The following PLEKHG2 variants were observed in gnomAD, a reference collection of about 807,000 sequenced individuals.
The protein encoded by PLEKHG2 is pleckstrin homology and RhoGEF domain containing G2.
A neutral mutation model predicts 104.4 loss-of-function variants in PLEKHG2; 71 were observed. The observed-to-expected ratio is 0.68, with a 90% CI of 0.56 to 0.83. The LOEUF is 0.83. Among genes scored for constraint, PLEKHG2 ranks in the 40% least tolerant of loss-of-function variants. PLEKHG2 has a pLI of 0.00. For missense variants in PLEKHG2, 1,730 were observed against 1,809.4 expected (o/e 0.96, Z 0.80); for synonymous variants, 728 against 737.0 (o/e 0.99, Z 0.20).
chr19:39,424,368 T>C lies in PLEKHG2; in HGVS notation c.3235T>C (p.Ser1079Pro), dbSNP rs776398387. ...CTGCAGTCAACCCATCCAGCCTTTGTCTTGGCATGGAAGCAGCCTGGATCC... is the reference window on the plus strand; with the variant it reads ...CTGCAGTCAACCCATCCAGCCTTTGCCTTGGCATGGAAGCAGCCTGGATCC... Reference protein sequence around the residue: ...PVCSQPIQPLSWHGSSLDPQG... With the variant: ...PVCSQPIQPLPWHGSSLDPQG... Residue 1079 changes from serine (S) to proline (P), a missense_variant, in exon 19 of 19, where the codon TCT becomes CCT. Ser to Pro is a moderately conservative substitution (Grantham distance 74). Coordinates refer to ENST00000425673, the MANE Select transcript of PLEKHG2 (RefSeq NM_022835.3). The C allele has an allele frequency of 4.3e-6, 7 of 1,614,102 alleles. No individual in the cohort carries two copies. The highest frequency in any genetic ancestry group is 2.2e-5 in the South Asian group (2 of 91,078).
rs143752678 is a variant in PLEKHG2 at position 39,424,465 on chromosome 19, C to T, written c.3332C>T (p.Pro1111Leu). The T allele has an allele frequency of 3.1e-6, 5 of 1,614,020 alleles. No homozygotes were observed. The African/African-American group carries it at 5.3e-5, about 17-fold the overall frequency. Residue 1111 changes from proline (P) to leucine (L), a missense_variant, in exon 19 of 19, where the codon CCT (proline) becomes CTT (leucine). Coordinates refer to ENST00000425673, the MANE Select transcript of PLEKHG2 (RefSeq NM_022835.3). ...LPDLQIPGTSPLPAHGSHLDH... is the reference protein window; with the variant it reads ...LPDLQIPGTSLLPAHGSHLDH... ...GACCTTCAGATTCCAGGTACCTCACCTTTGCCTGCACATGGAAGCCACCTG... is the reference window on the plus strand; with the variant it reads ...GACCTTCAGATTCCAGGTACCTCACTTTTGCCTGCACATGGAAGCCACCTG...
intron 18 of PLEKHG2, 22 bp downstream of exon 18, chr19:39,423,675 G>A (rs1174121595): frequency 6.4e-7 from 1 of 1,558,004 alleles, no homozygotes; most frequent in African/African-American, 1.4e-5. Flanking sequence ...GTACGTGGTT[G>A]GCAGAGGTGG....
chr19:39,424,458 A>C lies in PLEKHG2; in HGVS notation c.3325A>C (p.Thr1109Pro), dbSNP rs1175210603. The part of the protein sequence containing the change: ...CHLPDLQIPG[T>P]SPLPAHGSHL... ...CCTCCCAGACCTTCAGATTCCAGGTACCTCACCTTTGCCTGCACATGGAAG... is the reference window on the plus strand; with the variant it reads ...CCTCCCAGACCTTCAGATTCCAGGTCCCTCACCTTTGCCTGCACATGGAAG... Residue 1109 changes from threonine to proline, a missense_variant, in exon 19 of 19, where the codon ACC becomes CCC. Coordinates refer to ENST00000425673, the MANE Select transcript of PLEKHG2 (RefSeq NM_022835.3). 1 of 1,613,846 alleles carries C rather than the reference A, an allele frequency of 6.2e-7. No homozygotes were observed. The highest frequency in any genetic ancestry group is 1.3e-5 in the African/African-American group (1 of 74,830).
chr19:39,417,760 G>C, intron 8 of PLEKHG2, 68 bp downstream of exon 8: 4 of 1,543,004 alleles, frequency 2.6e-6, no homozygotes, highest in Non-Finnish European at 3.5e-6. Context: ...GGCGGGTGGG[G>C]GGAAATCAGT....
chr19:39,416,491 G>A lies in PLEKHG2; in HGVS notation c.547-60G>A. The A allele has an allele frequency of 6.2e-7, 1 of 1,612,622 alleles. No individual in the cohort carries two copies. On this transcript the variant is annotated intron_variant, in intron 5 of 18. Transcript: ENST00000425673. This position sits in a 1 kb window ranked among gnomAD's most constrained non-coding sequence, Gnocchi z 4.5. The stretch of plus-strand genomic sequence containing the variant: ...GGGGAGAGCAGGCTTGGGCTAGGCT[G>A]GAAGGGGGGTCGTGGGAAGCCAGGA...
In PLEKHG2 at chr19:39,424,888, A is replaced by C. The variant is rs768781981; in HGVS notation, c.3755A>C (p.Glu1252Ala). Residue 1252 changes from glutamate to alanine, a missense_variant, in exon 19 of 19, where the codon GAG (glutamate) becomes GCG (alanine). Physicochemically the swap from Glu to Ala is moderately radical, Grantham distance 107 (BLOSUM62 -1). Transcript: ENST00000425673. ...TTAGCCTCTCACGTTGCCAGGTTGG[A>C]GTCTTCAGACTTGACGCCACCTCAT... Reference protein sequence around the residue: ...GSLASHVARLESSDLTPPHSP... With the variant: ...GSLASHVARLASSDLTPPHSP... The C allele has an allele frequency of 1.9e-6, 3 of 1,613,998 alleles. No individual in the cohort carries two copies. In the South Asian group the frequency reaches 3.3e-5, roughly 18 times the overall value.
In PLEKHG2 at chr19:39,416,041, T is replaced by A. The variant is rs550292592; in HGVS notation, c.480-307T>A. Among the ~76,000 whole-genome samples the A allele has an allele frequency of 6.6e-6, 1 of 152,196 alleles. No homozygotes were observed. The highest frequency in any genetic ancestry group is 1.5e-5 in the Non-Finnish European group (1 of 67,990). On this transcript the variant is annotated intron_variant, in intron 4 of 18. Coordinates refer to ENST00000425673, the MANE Select transcript of PLEKHG2 (RefSeq NM_022835.3). This position sits in a 1 kb window ranked among gnomAD's most constrained non-coding sequence, Gnocchi z 4.5. Reference sequence around the variant, plus strand: ...CAAGTACCTTGACGAGGTCTCGGGATTACAGCAGGAACTTAAGATCATCCT... The same window carrying A: ...CAAGTACCTTGACGAGGTCTCGGGAATACAGCAGGAACTTAAGATCATCCT...
At position 39,424,134 on chromosome 19, in the gene PLEKHG2, TCCACCG is replaced by T. The variant is rs766646190; in HGVS notation, c.3004_3009del (p.Thr1002_Ala1003del). On this transcript the variant is annotated inframe_deletion, in exon 19 of 19. Transcript: ENST00000425673. ...AAGTCACATGGTTATACCAGCTCCATCCACCGCCTTTTGTCCTGAGCAGGGACACTG... is the reference window on the plus strand; with the variant it reads ...AAGTCACATGGTTATACCAGCTCCATCCTTTTGTCCTGAGCAGGGACACTG... The T allele has an allele frequency of 8.1e-6, 13 of 1,613,878 alleles. No individual in the cohort carries two copies. Among genetic ancestry groups the T allele is most frequent in the Non-Finnish European group, 1.1e-5 (13 of 1,179,980 alleles).
At chr19:39,421,940 C>A (rs757928877) in intron 16 of PLEKHG2, 175 bp from the exon 17 acceptor site, 8 of 535,848 alleles carry the variant, frequency 1.5e-5, no homozygotes, top group Non-Finnish European at 2.1e-5. Context: ...TCGCTTGAAC[C>A]CGGGAGGCGG....
At chr19:39,421,613 G>A in intron 16 of PLEKHG2, 1 of 440,840 alleles carries the variant, frequency 2.3e-6, no homozygotes, top group Admixed American at 3.5e-5. Flanking sequence ...GCTTGAGCCT[G>A]GGAGGCAGAG....
At position 39,415,689 on chromosome 19, in the gene PLEKHG2, G is replaced by A. The variant is rs1383954007; in HGVS notation, c.479+250G>A. ...CGAGTGAGGGAGGGGCATAGCGGATGGGAGGACCCCGAGTGAGGGAGGGGC... is the reference window on the plus strand; with the variant it reads ...CGAGTGAGGGAGGGGCATAGCGGATAGGAGGACCCCGAGTGAGGGAGGGGC... On this transcript the variant is annotated intron_variant, in intron 4 of 18. Coordinates refer to ENST00000425673, the MANE Select transcript of PLEKHG2 (RefSeq NM_022835.3). The surrounding 1 kb of genome is among the most constrained non-coding windows in gnomAD (Gnocchi z 4.6). 6.6e-6 allele frequency among the ~76,000 whole-genome samples: 1 copy of A among 152,210 alleles called. No individual in the cohort carries two copies. Among genetic ancestry groups the A allele is most frequent in the Admixed American group, 6.5e-5 (1 of 15,294 alleles).
Position 39,416,354 on chromosome 19 carries a change from C to G in PLEKHG2, c.486C>G (p.Leu162=), listed in dbSNP as rs1314595848. 1.9e-6 allele frequency: 3 copies of G among 1,612,886 alleles called. No homozygotes were observed. Among genetic ancestry groups the G allele is most frequent in the Non-Finnish European group, 2.5e-6 (3 of 1,179,764 alleles). ...IEDIYEFSSE[L]LEDLENSSSA... ...CCTCCCCTCTCCCCTGTAGCGAGCT[C>G]CTGGAGGACTTGGAGAACAGCAGCA... Residue 162 remains leucine (L), a synonymous_variant, in exon 5 of 19, where the codon CTC becomes CTG. Transcript: ENST00000425673. The surrounding 1 kb of genome is among the most constrained non-coding windows in gnomAD (Gnocchi z 4.5).
In PLEKHG2 at chr19:39,424,159, G is replaced by A. The variant is rs2078746740; in HGVS notation, c.3026G>A (p.Gly1009Glu). The change falls in exon 19 of 19, where the codon GGA becomes GAA. Residue 1009 changes from glycine (G) to glutamate (E), a missense_variant. Coordinates refer to ENST00000425673, the MANE Select transcript of PLEKHG2 (RefSeq NM_022835.3). The part of the protein sequence containing the change: ...APSTAFCPEQ[G>E]HCADIHVPTT... ...TCCACCGCCTTTTGTCCTGAGCAGGGACACTGTGCGGACATCCACGTTCCC... is the reference window on the plus strand; with the variant it reads ...TCCACCGCCTTTTGTCCTGAGCAGGAACACTGTGCGGACATCCACGTTCCC... 6.2e-7 allele frequency: 1 copy of A among 1,613,994 alleles called. No homozygotes were observed. The highest frequency in any genetic ancestry group is 1.7e-5 in the Admixed American group (1 of 59,990).
In PLEKHG2 at chr19:39,415,760, G is replaced by A. The variant is rs536027582; in HGVS notation, c.479+321G>A. Among the ~76,000 whole-genome samples the A allele has an allele frequency of 1.3e-5, 2 of 152,276 alleles. No homozygotes were observed. Among genetic ancestry groups the A allele is most frequent in the South Asian group, 4.1e-4 (2 of 4,828 alleles). On this transcript the variant is annotated intron_variant, in intron 4 of 18. Coordinates refer to ENST00000425673, the MANE Select transcript of PLEKHG2 (RefSeq NM_022835.3). This position sits in a 1 kb window ranked among gnomAD's most constrained non-coding sequence, Gnocchi z 4.6. ...GACCTGGATGAAGCCCAAACACTGGGACAGGGTCCCGGCATCAGGACGAGT... is the reference window on the plus strand; with the variant it reads ...GACCTGGATGAAGCCCAAACACTGGAACAGGGTCCCGGCATCAGGACGAGT...
In PLEKHG2 at chr19:39,415,495, T is replaced by TA; in HGVS notation, c.479+58dup. 2 of 1,583,016 alleles carry TA rather than the reference T, an allele frequency of 1.3e-6. No individual in the cohort carries two copies. Among genetic ancestry groups the TA allele is most frequent in the South Asian group, 2.2e-5 (2 of 88,930 alleles). ...TTGATTGGTTGGAGGGTCTATTTCC[T>TA]AATCCAAACCTCGGAGCTTCGTAGT... On this transcript the variant is annotated intron_variant, in intron 4 of 18. Coordinates refer to ENST00000425673, the MANE Select transcript of PLEKHG2 (RefSeq NM_022835.3). The surrounding 1 kb of genome is among the most constrained non-coding windows in gnomAD (Gnocchi z 4.6).
In PLEKHG2 at chr19:39,417,389, G is replaced by A. The variant is rs201109394; in HGVS notation, c.745-166G>A. ...GCTAGTCTCGAACTCCTGGCCTCAGGTGATTTGCCCACCTCAGCCTCCCAA... is the reference window on the plus strand; with the variant it reads ...GCTAGTCTCGAACTCCTGGCCTCAGATGATTTGCCCACCTCAGCCTCCCAA... On this transcript the variant is annotated intron_variant, in intron 7 of 18. Coordinates refer to ENST00000425673, the MANE Select transcript of PLEKHG2 (RefSeq NM_022835.3). Among the ~76,000 whole-genome samples the A allele has an allele frequency of 2.6e-5, 4 of 151,202 alleles. No individual in the cohort carries two copies. In the East Asian group the frequency reaches 7.9e-4, roughly 30 times the overall value.
rs1298208263 is a variant in PLEKHG2 at position 39,425,154 on chromosome 19, A to G, written c.4021A>G (p.Ile1341Val). Residue 1341 changes from isoleucine to valine, a missense_variant, in exon 19 of 19, where the codon ATC (isoleucine) becomes GTC (valine). Coordinates refer to ENST00000425673, the MANE Select transcript of PLEKHG2 (RefSeq NM_022835.3). Reference sequence around the variant, plus strand: ...GCTCAGCTATGCCACGACGGTTAACATCCACGTGGGCGGGGGTGGGCGGCT... The same window carrying G: ...GCTCAGCTATGCCACGACGGTTAACGTCCACGTGGGCGGGGGTGGGCGGCT... ...RRLSYATTVN[I>V]HVGGGGRLRP... is the part of the protein sequence containing the mutation. 1.3e-6 allele frequency: 2 copies of G among 1,595,310 alleles called. No homozygotes were observed. Among genetic ancestry groups the G allele is most frequent in the Admixed American group, 3.6e-5 (2 of 55,828 alleles).
In PLEKHG2 at chr19:39,420,986, C is replaced by A; in HGVS notation, c.1437C>A (p.Arg479=). The A allele has an allele frequency of 6.2e-7, 1 of 1,614,082 alleles. No homozygotes were observed. Among genetic ancestry groups the A allele is most frequent in the South Asian group, 1.1e-5 (1 of 91,086 alleles). ...SPGPSVIRRG[R]RQSEPVKDPY... ...GGCCCTCTGTGATTCGCCGAGGCCG[C>A]AGGCAGTCTGGTGAGCACTCACCCC... The change falls in exon 14 of 19, where the codon CGC becomes CGA. Residue 479 remains arginine, a synonymous_variant. Coordinates refer to ENST00000425673, the MANE Select transcript of PLEKHG2 (RefSeq NM_022835.3).
Position 39,426,732 on chromosome 19 carries a change from CAT to C in PLEKHG2, c.*1441_*1442del, listed in dbSNP as rs1205129088. On this transcript the variant is annotated 3_prime_UTR_variant, in exon 19 of 19. Coordinates refer to ENST00000425673, the MANE Select transcript of PLEKHG2 (RefSeq NM_022835.3). ...GGAGCATATCCTTCCACTTCCCAAA[CAT>C]ATTTGAACCTCTGACTTGCTTAGGA... 6.6e-6 allele frequency: 1 copy of C among 152,192 alleles called. No homozygotes were observed. The highest frequency in any genetic ancestry group is 1.5e-5 in the Non-Finnish European group (1 of 68,050). The allele number at this position is 152,192 out of a possible 1,614,324, so 9.4% of individuals were successfully genotyped here.
Sources: gnomAD v4.1 joint callset for allele counts (sites outside exome capture counted in the v4.1 genomes callset) on GRCh38, gnomAD v4.1.1 for gene constraint, Gnocchi (gnomAD v3.1) non-coding constraint, MANE v1.5 for transcripts, NCBI Gene and HGNC (gene_info 2026-07-23, HGNC 2026-07-21) for gene names.